FERMT2: variants seen among roughly 807,000 people sequenced by gnomAD.
The protein encoded by FERMT2 is FERM domain containing kindlin 2, also known as fermitin family homolog 2.
FERMT2 carries 15 observed loss-of-function variants against 82.7 expected under a neutral mutation model. The observed-to-expected ratio is 0.18, with a 90% CI of 0.12 to 0.28. The LOEUF is 0.28. FERMT2 is among the 10% of genes least tolerant of loss of function. FERMT2 has a pLI of 1.00. For synonymous variants in FERMT2, 274 were observed against 271.5 expected, an observed-to-expected ratio of 1.01 and a Z score of -0.09; for missense variants, 645 against 809.4, an observed-to-expected ratio of 0.80 and a Z score of 2.46.
At position 52,861,030 on chromosome 14, in the gene FERMT2, C is replaced by G. The variant is rs1884895084; in HGVS notation, c.1603-565G>C. ...AGAACTTACCAAATCTCTTATATAG[C>G]CTGGCTGTAGATGGCAATGCGAGGA... On this transcript the variant is annotated intron_variant, in intron 12 of 14. Coordinates refer to ENST00000341590, the MANE Select transcript of FERMT2 (RefSeq NM_006832.3). The G allele has an allele frequency of 4.6e-6, 7 of 1,514,152 alleles. No homozygotes were observed. Among genetic ancestry groups the G allele is most frequent in the African/African-American group, 1.4e-5 (1 of 70,304 alleles). 93.8% of individuals were successfully genotyped at this position (1,514,152 alleles called of 1,614,324 possible).
intron 2 of FERMT2, among the ~76,000 whole-genome samples, chr14:52,941,737 T>C (rs1890099517): frequency 6.6e-6 from 1 of 152,212 alleles, no homozygotes; most frequent in Admixed American, 6.5e-5. Context: ...CTACTTTCAT[T>C]AGTTTCTAAA....
intron 3 of FERMT2, among the ~76,000 whole-genome samples, chr14:52,908,064 T>C (rs1477846235): frequency 2.0e-5 from 3 of 152,136 alleles, no homozygotes; most frequent in Middle Eastern, 3.2e-3. Context: ...CTCACCATTA[T>C]ATGGGGTGGC....
Position 52,908,981 on chromosome 14 carries a change from A to G in FERMT2, c.391+10142T>C, listed in dbSNP as rs1261206388. The stretch of plus-strand genomic sequence containing the variant: ...CAGCCCTCTTGCTTGCGGCTAGCAT[A>G]AGGAAACTGGAAAAGTCAAGTCATA... On this transcript the variant is annotated intron_variant, in intron 3 of 14. Transcript: ENST00000341590. Among the ~76,000 whole-genome samples, 4 of 152,234 alleles carry G rather than the reference A, an allele frequency of 2.6e-5. No homozygotes were observed. In the East Asian group the frequency reaches 5.8e-4, roughly 22 times the overall value.
chr14:52,950,381 A>T (rs745932787), intron 2 of FERMT2, 31 bp downstream of exon 2: 39 of 1,599,466 alleles, frequency 2.4e-5, no homozygotes, highest in Admixed American at 5.1e-5. Context: ...CTGGGAAGTC[A>T]TTAGTTGGAC....
At chr14:52,875,804 G>T (rs1885918613) in intron 7 of FERMT2, among the ~76,000 whole-genome samples, 1 of 152,144 alleles carries the variant, frequency 6.6e-6, no homozygotes. Context: ...TTACCCAGGA[G>T]AAAGTCATCA....
At chr14:52,939,535 C>T (rs1890001616) in intron 2 of FERMT2, among the ~76,000 whole-genome samples, 1 of 152,118 alleles carries the variant, frequency 6.6e-6, no homozygotes. Context: ...TTTACAAAAA[C>T]TATTCTAAAC....
intron 11 of FERMT2, 53 bp from the exon 12 acceptor site, chr14:52,864,675 A>G (rs1328717858): frequency 6.3e-7 from 1 of 1,580,152 alleles, no homozygotes; most frequent in Non-Finnish European, 8.7e-7. Flanking sequence ...GGGTCTTTCA[A>G]GTATAAAATA....
At position 52,857,422 on chromosome 14, in the gene FERMT2, T is replaced by G. The variant is rs149563681; in HGVS notation, c.*955A>C. On this transcript the variant is annotated 3_prime_UTR_variant, in exon 15 of 15. Coordinates refer to ENST00000341590, the MANE Select transcript of FERMT2 (RefSeq NM_006832.3). ...ATTTTCTGACTAGCACCAATACAGA[T>G]TGTAACAGCGCAACAGACTAGAACA... is the stretch of plus-strand genomic sequence containing the variant. 1 of 152,704 alleles carries G rather than the reference T, an allele frequency of 6.5e-6. No individual in the cohort carries two copies. The highest frequency in any genetic ancestry group is 1.5e-5 in the Non-Finnish European group (1 of 68,028). 9.5% of individuals were successfully genotyped at this position (152,704 alleles called of 1,614,324 possible).
chr14:52,943,022 C>G (rs1244871162), intron 2 of FERMT2, among the ~76,000 whole-genome samples: 1 of 151,824 alleles, frequency 6.6e-6, no homozygotes, highest in Non-Finnish European at 1.5e-5. Flanking sequence ...AGACCAGCCT[C>G]GCCAACATGG....
chr14:52,876,091 G>T (rs961420936), intron 7 of FERMT2, among the ~76,000 whole-genome samples: 3 of 152,176 alleles, frequency 2.0e-5, no homozygotes, highest in African/African-American at 2.4e-5. Context: ...AAGGTCAGCA[G>T]AACCTTTAAA....
chr14:52,948,436 T>C (rs1595033356), intron 2 of FERMT2: 1 of 367,828 alleles, frequency 2.7e-6, no homozygotes, highest in Non-Finnish European at 5.3e-6. Context: ...AAGCATCACT[T>C]AGCTCTACTT....
intron 2 of FERMT2, among the ~76,000 whole-genome samples, chr14:52,945,523 G>A (rs967934335): frequency 2.0e-5 from 3 of 152,076 alleles, no homozygotes; most frequent in Admixed American, 1.3e-4. Flanking sequence ...CAAGGTGCTA[G>A]TATTACAGGC....
At chr14:52,912,303 C>T (rs1888363799) in intron 3 of FERMT2, among the ~76,000 whole-genome samples, 1 of 152,116 alleles carries the variant, frequency 6.6e-6, no homozygotes, top group South Asian at 2.1e-4. Flanking sequence ...TCTAATATAT[C>T]TACAAATAAA....
intron 10 of FERMT2, among the ~76,000 whole-genome samples, chr14:52,869,036 GTTAAGATAT>G (rs2140079460): frequency 6.6e-6 from 1 of 152,212 alleles, no homozygotes; most frequent in African/African-American, 2.4e-5. Flanking sequence ...CAGGAAGAAG[GTTAAGATAT>G]AACAGGGACA....
chr14:52,897,016 AC>A (rs1887312835), intron 3 of FERMT2, among the ~76,000 whole-genome samples: 1 of 146,554 alleles, frequency 6.8e-6, no homozygotes, highest in Non-Finnish European at 1.5e-5. Flanking sequence ...ACACACACAC[AC>A]ACACACACAC....
chr14:52,914,738 G>A (rs560873906), intron 3 of FERMT2, among the ~76,000 whole-genome samples: 10 of 152,034 alleles, frequency 6.6e-5, no homozygotes, highest in African/African-American at 2.2e-4. Flanking sequence ...TGGCCCACAT[G>A]GCAAAACCCC....
chr14:52,900,745 C>T (rs1388639673), intron 3 of FERMT2, among the ~76,000 whole-genome samples: 4 of 152,072 alleles, frequency 2.6e-5, no homozygotes, highest in Non-Finnish European at 4.4e-5. Context: ...AAATTTAGTC[C>T]GCCCCAGCAT....
intron 2 of FERMT2, among the ~76,000 whole-genome samples, chr14:52,932,142 A>G (rs1315276932): frequency 6.6e-6 from 1 of 152,272 alleles, no homozygotes; most frequent in Non-Finnish European, 1.5e-5. Context: ...TAACTTGGCT[A>G]AAGTTCATAA....
rs1885150326 is a variant in FERMT2 at position 52,864,445 on chromosome 14, A to G, written c.1558T>C (p.Cys520Arg). ...TTTAGATAGCGGGGAGACACCAAACATTCAGGAGTTATATCAGTCGTGATC... is the reference window on the plus strand; with the variant it reads ...TTTAGATAGCGGGGAGACACCAAACGTTCAGGAGTTATATCAGTCGTGATC... ...EQITTDITPE[C>R]LVSPRYLKKY... Residue 520 changes from cysteine to arginine, a missense_variant, in exon 12 of 15, where the codon TGT becomes CGT. Cys to Arg is a radical substitution (Grantham distance 180). Coordinates refer to ENST00000341590, the MANE Select transcript of FERMT2 (RefSeq NM_006832.3). 1.2e-6 allele frequency: 2 copies of G among 1,614,068 alleles called. No individual in the cohort carries two copies. Among genetic ancestry groups the G allele is most frequent in the Non-Finnish European group, 1.7e-6 (2 of 1,180,000 alleles).
Sources: allele counts gnomAD v4.1 joint callset (sites outside exome capture counted in the v4.1 genomes callset), GRCh38; gene constraint gnomAD v4.1.1; transcripts MANE v1.5; gene names NCBI Gene and HGNC (gene_info 2026-07-23, HGNC 2026-07-21).